Variants in GRN observed in about 807,000 individuals in gnomAD.
The protein encoded by GRN is progranulin.
Under a neutral mutation model 66.7 loss-of-function variants are expected in GRN, and 30 were observed. The ratio of observed to expected loss-of-function variants is 0.45; its 90% CI spans 0.34 to 0.61. The LOEUF is 0.61. Among genes scored for constraint, GRN ranks in the 20% least tolerant of loss-of-function variants. GRN has a pLI of 0.01. For synonymous variants in GRN, 327 were observed against 311.1 expected (o/e 1.05, Z -0.54); for missense variants, 731 against 803.5 (o/e 0.91, Z 1.09).
chr17:44,349,311 C>T lies in GRN; in HGVS notation c.138+9C>T, dbSNP rs751897155. The stretch of plus-strand genomic sequence containing the variant: ...GCTGCCGTCCCCTTCTGGTGAGTGC[C>T]CCTCAGCCTAGGCAAGAGCTGGCAG... On this transcript the variant is annotated intron_variant, in intron 2 of 12. Coordinates refer to ENST00000053867, the MANE Select transcript of GRN (RefSeq NM_002087.4). The T allele has an allele frequency of 4.3e-6, 7 of 1,613,988 alleles. No individual in the cohort carries two copies. The highest frequency in any genetic ancestry group is 1.7e-5 in the Admixed American group (1 of 60,032).
In GRN at chr17:44,352,899, C is replaced by A. The variant is rs2048393298; in HGVS notation, c.*101C>A. ...TCCCCCTAACCAAATTCTCCCTGGA[C>A]CCCATTCTGAGCTCCCCATCACCAT... On this transcript the variant is annotated 3_prime_UTR_variant, in exon 13 of 13. Transcript: ENST00000053867. The A allele has an allele frequency of 1.7e-6, 2 of 1,157,200 alleles. No homozygotes were observed. The highest frequency in any genetic ancestry group is 1.5e-5 in the African/African-American group (1 of 66,178). 71.7% of individuals were successfully genotyped at this position (1,157,200 alleles called of 1,614,324 possible).
In GRN at chr17:44,352,096, G is replaced by C; in HGVS notation, c.1261G>C (p.Glu421Gln). The C allele has an allele frequency of 6.2e-7, 1 of 1,613,954 alleles. No homozygotes were observed. Residue 421 changes from glutamate (E) to glutamine (Q), a missense_variant, in exon 11 of 13, where the codon GAG becomes CAG. Physicochemically the swap from Glu to Gln is conservative, Grantham distance 29. This residue lies in a region of GRN where 319 missense variants were observed against 347.2 expected (regional missense o/e 0.92). Transcript: ENST00000053867. Reference sequence around the variant, plus strand: ...TGAGGGGCAGTGTCAGCGAGGAAGCGAGATCGTGGCTGGACTGGAGAAGAT... The same window carrying C: ...TGAGGGGCAGTGTCAGCGAGGAAGCCAGATCGTGGCTGGACTGGAGAAGAT... ...VAEGQCQRGS[E>Q]IVAGLEKMPA... is the part of the protein sequence containing the mutation.
chr17:44,346,775 A>G (rs2048329060), intron 1 of GRN, among the ~76,000 whole-genome samples: 1 of 152,224 alleles, frequency 6.6e-6, no homozygotes, highest in Non-Finnish European at 1.5e-5. Flanking sequence ...CATATAACCT[A>G]TACATACTTT....
intron 1 of GRN, 105 bp from the exon 2 acceptor site, chr17:44,349,053 A>G (rs1358315404): frequency 2.2e-5 from 28 of 1,245,188 alleles, no homozygotes; most frequent in Non-Finnish European, 2.7e-5. Context: ...AGGCTCAGGC[A>G]GTCCTGGGCC....
chr17:44,347,695 T>C (rs990186154), intron 1 of GRN, among the ~76,000 whole-genome samples: 6 of 150,944 alleles, frequency 4.0e-5, no homozygotes, highest in Non-Finnish European at 8.8e-5. Flanking sequence ...TTCAAGCCTG[T>C]AATCCCAGCA....
At chr17:44,350,100 GA>G in intron 4 of GRN, 127 bp from the exon 5 acceptor site, 1 of 772,574 alleles carries the variant, frequency 1.3e-6, no homozygotes, top group Non-Finnish European at 2.4e-6. Flanking sequence ...GGAGATCACT[GA>G]GCCTTAGTGT....
chr17:44,350,846 C>T (rs375978297), intron 7 of GRN, 46 bp downstream of exon 7: 19 of 1,485,178 alleles, frequency 1.3e-5, no homozygotes, highest in Admixed American at 3.3e-5. Flanking sequence ...CCCCAGCCAC[C>T]TGGCCCTGAC....
intron 1 of GRN, 150 bp from the exon 2 acceptor site, chr17:44,349,008 A>G (rs866121772): frequency 2.0e-5 from 17 of 831,834 alleles, no homozygotes; most frequent in Middle Eastern, 3.1e-4. Context: ...CAGCCCCTGC[A>G]GATTTCTGCC....
intron 1 of GRN, among the ~76,000 whole-genome samples, chr17:44,346,463 A>G (rs2048327163): frequency 6.6e-6 from 1 of 152,154 alleles, no homozygotes; most frequent in Non-Finnish European, 1.5e-5. Context: ...AGGCACAGAC[A>G]GAGAGCAACT....
At chr17:44,348,705 G>A (rs1287393507) in intron 1 of GRN, among the ~76,000 whole-genome samples, 1 of 152,240 alleles carries the variant, frequency 6.6e-6, no homozygotes, top group African/African-American at 2.4e-5. Flanking sequence ...GGAGGCATCT[G>A]GAGGGGAACC....
rs953208851 is a variant in GRN, at chr17:44,351,078, C to T, written c.750C>T (p.Asp250=). 1.2e-6 allele frequency: 2 copies of T among 1,613,960 alleles called. No homozygotes were observed. The highest frequency in any genetic ancestry group is 2.7e-5 in the African/African-American group (2 of 74,924). Residue 250 remains aspartate (D), a synonymous_variant, in exon 8 of 13, where the codon GAC becomes GAT. Transcript: ENST00000053867. The stretch of plus-strand genomic sequence containing the variant: ...ATCACCTGCACTGCTGCCCCCAAGA[C>T]ACTGTGTGTGACCTGATCCAGAGTA... ...CSDHLHCCPQ[D]TVCDLIQSKC... is the part of the protein sequence containing the mutation.
At chr17:44,350,632 C>T (rs1213343520) in intron 6 of GRN, 55 bp downstream of exon 6, 11 of 1,611,330 alleles carry the variant, frequency 6.8e-6, no homozygotes, top group Non-Finnish European at 5.9e-6. Flanking sequence ...TCATTGACTC[C>T]AAGTGTAGGA....
chr17:44,349,296 C>G lies in GRN; in HGVS notation c.132C>G (p.Pro44=). The G allele has an allele frequency of 6.2e-7, 1 of 1,613,960 alleles. No individual in the cohort carries two copies. The highest frequency in any genetic ancestry group is 8.5e-7 in the Non-Finnish European group (1 of 1,180,040). The change falls in exon 2 of 13, where the codon CCC becomes CCG. Residue 44 remains proline (P), a synonymous_variant. Transcript: ENST00000053867. The part of the protein sequence containing the change: ...PGGASYSCCR[P]LLDKWPTTLS... ...GAGCCAGCTACAGCTGCTGCCGTCC[C>G]CTTCTGGTGAGTGCCCCTCAGCCTA...
Position 44,352,504 on chromosome 17 carries a change from T to C in GRN, c.1577T>C (p.Phe526Ser). Residue 526 changes from phenylalanine to serine, a missense_variant, in exon 12 of 13, where the codon TTC becomes TCC. Physicochemically the swap from Phe to Ser is radical, Grantham distance 155. Coordinates refer to ENST00000053867, the MANE Select transcript of GRN (RefSeq NM_002087.4). ...VKDVECGEGH[F>S]CHDNQTCCRD... The stretch of plus-strand genomic sequence containing the variant: ...GACGTGGAGTGTGGGGAAGGACACT[T>C]CTGCCATGATAACCAGACCTGCTGC... The C allele has an allele frequency of 6.2e-7, 1 of 1,613,266 alleles. No homozygotes were observed. Among genetic ancestry groups the C allele is most frequent in the South Asian group, 1.1e-5 (1 of 91,040 alleles).
rs78994411 is a variant in GRN, at chr17:44,352,975, C to A, written c.*177C>A. The A allele has an allele frequency of 1.5e-6, 1 of 660,978 alleles. No homozygotes were observed. The highest frequency in any genetic ancestry group is 2.6e-6 in the Non-Finnish European group (1 of 378,026). 40.9% of individuals were successfully genotyped at this position (660,978 alleles called of 1,614,324 possible). On this transcript the variant is annotated 3_prime_UTR_variant, in exon 13 of 13. Coordinates refer to ENST00000053867, the MANE Select transcript of GRN (RefSeq NM_002087.4). ...CTTCCCTGTCAGAAGGGGGTTGTGG[C>A]AAAAGCCACATTACAAGCTGCCATC...
chr17:44,348,273 A>G (rs901368957), intron 1 of GRN, among the ~76,000 whole-genome samples: 1 of 152,154 alleles, frequency 6.6e-6, no homozygotes. Flanking sequence ...AGAGTTGTTT[A>G]GGAAGTGAGA....
intron 12 of GRN, 33 bp downstream of exon 12, chr17:44,352,604 T>C: frequency 1.2e-6 from 2 of 1,611,878 alleles, no homozygotes; most frequent in Non-Finnish European, 1.7e-6. Flanking sequence ...GGGCTGGGTA[T>C]GGCCAGGGAC....
chr17:44,350,617 G>A (rs2048363657), intron 6 of GRN, 40 bp downstream of exon 6: 1 of 1,612,110 alleles, frequency 6.2e-7, no homozygotes, highest in Non-Finnish European at 8.5e-7. Flanking sequence ...GGCTGGGGCG[G>A]GGCCTCATTG....
rs2048354537 is a variant in GRN at position 44,349,741 on chromosome 17, C to T, written c.339C>T (p.Phe113=). ...FHCSADGRSC[F]QRSGNNSVGA... ...GCAGTGCAGACGGGCGATCCTGCTT[C>T]CAAAGATCAGGTGCAGCTGGGGTGT... is the stretch of plus-strand genomic sequence containing the variant. Residue 113 remains phenylalanine, a synonymous_variant, in exon 4 of 13, where the codon TTC becomes TTT. Coordinates refer to ENST00000053867, the MANE Select transcript of GRN (RefSeq NM_002087.4). 1.9e-6 allele frequency: 3 copies of T among 1,606,850 alleles called. No homozygotes were observed. Among genetic ancestry groups the T allele is most frequent in the East Asian group, 2.2e-5 (1 of 44,864 alleles).
Sources: gnomAD v4.1 joint callset for allele counts (sites outside exome capture counted in the v4.1 genomes callset) on GRCh38, gnomAD v4.1.1 for gene constraint, gnomAD v4.1.1 regional missense constraint, MANE v1.5 for transcripts, NCBI Gene and HGNC (gene_info 2026-07-23, HGNC 2026-07-21) for gene names.